Variants in METTL21A observed in about 807,000 individuals in gnomAD.
The protein encoded by METTL21A is protein N-lysine methyltransferase METTL21A.
In METTL21A, 22 loss-of-function variants were observed where a neutral mutation model predicts 20.9. The observed-to-expected ratio is 1.05, with a 90% CI of 0.75 to 1.50. METTL21A has a LOEUF of 1.50. METTL21A is among the 40% of genes most tolerant of loss of function. The probability of loss-of-function intolerance (pLI) is 0.00; values close to 1 mark genes in which losing one functional copy is unlikely to be tolerated. For synonymous variants in METTL21A, 93 were observed against 102.0 expected, an observed-to-expected ratio of 0.91 and a Z score of 0.53; for missense variants, 271 against 266.8, an observed-to-expected ratio of 1.02 and a Z score of -0.11.
intron 3 of METTL21A, among the ~76,000 whole-genome samples, chr2:207,594,399 C>T (rs966350382): frequency 1.3e-5 from 2 of 152,098 alleles, no homozygotes; most frequent in African/African-American, 4.8e-5. Flanking sequence ...TCCCCCAGCC[C>T]CTGGCAGCCA....
intron 3 of METTL21A, among the ~76,000 whole-genome samples, chr2:207,586,461 A>G (rs2083859455): frequency 6.6e-6 from 1 of 152,208 alleles, no homozygotes; most frequent in Non-Finnish European, 1.5e-5. Context: ...CTCTTAGACT[A>G]CTAGAAGAAA....
At chr2:207,598,480 T>C in intron 3 of METTL21A, 3 of 91,352 alleles carry the variant, frequency 3.3e-5, no homozygotes, top group East Asian at 2.8e-4. Flanking sequence ...ATCTAACAGT[T>C]ACTCTTAAAA....
chr2:207,591,123 T>C (rs185345101), intron 3 of METTL21A, among the ~76,000 whole-genome samples: 2 of 152,312 alleles, frequency 1.3e-5, no homozygotes, highest in East Asian at 1.9e-4. Context: ...GTGTAGTTGA[T>C]TATGTCATTC....
chr2:207,587,591 A>G (rs1005179255), intron 3 of METTL21A, among the ~76,000 whole-genome samples: 7 of 152,160 alleles, frequency 4.6e-5, no homozygotes, highest in African/African-American at 1.4e-4. Flanking sequence ...ATATATACAC[A>G]GTGGTATACT....
chr2:207,586,410 C>T (rs899730721), intron 3 of METTL21A, among the ~76,000 whole-genome samples: 1 of 152,136 alleles, frequency 6.6e-6, no homozygotes, highest in East Asian at 1.9e-4. Flanking sequence ...ACCCAAAAAT[C>T]CACTCCAAGT....
rs572668848 is a variant in METTL21A, at chr2:207,623,907, C to G, written c.147+322G>C. 4.6e-5 allele frequency among the ~76,000 whole-genome samples: 7 copies of G among 152,272 alleles called. No individual in the cohort carries two copies. In the East Asian group the frequency reaches 1.2e-3, roughly 25 times the overall value. On this transcript the variant is annotated intron_variant, in intron 2 of 3. Coordinates refer to ENST00000406927, the Ensembl canonical transcript of METTL21A. Reference sequence around the variant, plus strand: ...AGCAGTTGGGGGCTTTCCTTCCTATCCTCTCCGACAAGTCATTAACTTTCC... The same window carrying G: ...AGCAGTTGGGGGCTTTCCTTCCTATGCTCTCCGACAAGTCATTAACTTTCC...
Position 207,613,430 on chromosome 2 carries a change from A to G in METTL21A, c.273T>C (p.Thr91=), listed in dbSNP as rs776742075. ...CTAATGCTACTTTTCGATCCGTGAT[A>G]GTCACATGAGCACCTACAATGTGGA... The change falls in exon 4 of 4, where the codon ACT becomes ACC. Residue 91 remains threonine, a synonymous_variant. Coordinates refer to ENST00000406927, the Ensembl canonical transcript of METTL21A. 4.4e-6 allele frequency: 7 copies of G among 1,593,874 alleles called. No individual in the cohort carries two copies. In the African/African-American group the frequency reaches 9.4e-5, roughly 21 times the overall value.
chr2:207,620,829 C>A, intron 3 of METTL21A: 1 of 745,486 alleles, frequency 1.3e-6, no homozygotes, highest in Non-Finnish European at 2.1e-6. Flanking sequence ...TATTGGGTTT[C>A]TGGAAAACAG....
At chr2:207,621,170 T>C (rs1046356592) in intron 3 of METTL21A, among the ~76,000 whole-genome samples, 5 of 152,226 alleles carry the variant, frequency 3.3e-5, no homozygotes, top group African/African-American at 7.2e-5. Context: ...AATGAGTCAA[T>C]AGTCAATAAT....
chr2:207,622,851 T>C (rs538262250), intron 2 of METTL21A, among the ~76,000 whole-genome samples: 2 of 152,338 alleles, frequency 1.3e-5, no homozygotes, highest in Non-Finnish European at 2.9e-5. Flanking sequence ...GTGAGTATAA[T>C]TGGCAATTCC....
At chr2:207,592,639 G>A (rs542180486) in intron 3 of METTL21A, among the ~76,000 whole-genome samples, 113 of 151,888 alleles carry the variant, frequency 7.4e-4, no homozygotes, top group African/African-American at 2.1e-3. Context: ...GAAAATTCTT[G>A]GCCAGGTGCA....
At chr2:207,604,683 A>G (rs2087776285), downstream of METTL21A, among the ~76,000 whole-genome samples, 1 of 152,182 alleles carries the variant, frequency 6.6e-6, no homozygotes, top group African/African-American at 2.4e-5. Flanking sequence ...CACCACTTCT[A>G]TCTAGCTCCA....
At chr2:207,615,710 G>C (rs1051841193) in intron 3 of METTL21A, 1 of 134,630 alleles carries the variant, frequency 7.4e-6, no homozygotes, top group Non-Finnish European at 1.6e-5. Context: ...AAAAAAAAAA[G>C]AAAAGAAAAG....
At chr2:207,600,815 C>G (rs930973825) in intron 3 of METTL21A, 2 of 209,146 alleles carry the variant, frequency 9.6e-6, no homozygotes, top group East Asian at 7.2e-5. Context: ...TCCCTACTAT[C>G]ATTTCTACCT....
intron 3 of METTL21A, among the ~76,000 whole-genome samples, chr2:207,619,016 C>T (rs747714519): frequency 4.6e-5 from 7 of 152,082 alleles, no homozygotes; most frequent in Admixed American, 6.5e-5. Flanking sequence ...ACTGGAAGGG[C>T]GCTATAAGTA....
rs773514911 is a variant in METTL21A, at chr2:207,613,424, C to T, written c.279G>A (p.Thr93=). The change falls in exon 4 of 4, where the codon ACG becomes ACA. Residue 93 remains threonine, a synonymous_variant. Coordinates refer to ENST00000406927, the Ensembl canonical transcript of METTL21A. ...GAAATTCTAATGCTACTTTTCGATC[C>T]GTGATAGTCACATGAGCACCTACAA... The T allele has an allele frequency of 2.6e-5, 41 of 1,596,780 alleles. No individual in the cohort carries two copies. The East Asian group carries it at 5.8e-4, about 23-fold the overall frequency.
Position 207,590,083 on chromosome 2 carries a change from G to GTTTT in METTL21A, c.260-7927_260-7924dup, listed in dbSNP as rs59126515. Among the ~76,000 whole-genome samples the GTTTT allele has an allele frequency of 9.0e-3, 682 of 76,046 alleles. 17 individuals are homozygous for GTTTT. Among genetic ancestry groups the GTTTT allele is most frequent in the African/African-American group, 0.031 (652 of 20,818 alleles). The allele number at this position is 76,046 out of a possible 152,430, so 49.9% of individuals were successfully genotyped here. On this transcript the variant is annotated intron_variant, in intron 3 of 3. Coordinates refer to the METTL21A transcript ENST00000425132. ...GGCCTGGAGTTTTCTATTTTGAGAA[G>GTTTT]TTTTTTTTTTTTTTTTTTTTTTTTA...
intron 3 of METTL21A, among the ~76,000 whole-genome samples, chr2:207,616,671 C>T (rs1457743334): frequency 1.3e-5 from 2 of 152,078 alleles, no homozygotes. Flanking sequence ...ATGATGAAAC[C>T]CTGTCTCTAC....
At chr2:207,602,249 A>G (rs2087192257) in intron 3 of METTL21A, 1 of 185,880 alleles carries the variant, frequency 5.4e-6, no homozygotes, top group East Asian at 8.6e-5. Context: ...TTTAAAAAAT[A>G]TATAAATAAA....
Sources: gnomAD v4.1 joint callset for allele counts (sites outside exome capture counted in the v4.1 genomes callset) on GRCh38, gnomAD v4.1.1 for gene constraint, MANE v1.5 for transcripts, NCBI Gene and HGNC (gene_info 2026-07-23, HGNC 2026-07-21) for gene names.